Variants in FRMD4A observed in about 807,000 individuals in gnomAD.
FRMD4A encodes FERM domain-containing protein 4A.
In FRMD4A, 29 loss-of-function variants were observed where a neutral mutation model predicts 129.1. The observed-to-expected ratio is 0.22, with a 90% CI of 0.17 to 0.31. FRMD4A has a LOEUF of 0.31. Among genes scored for constraint, FRMD4A ranks in the 10% least tolerant of loss-of-function variants. The pLI is 1.00. For synonymous variants in FRMD4A, 634 were observed against 571.6 expected (o/e 1.11, Z -1.56); for missense variants, 1,272 against 1,375.8 (o/e 0.92, Z 1.19).
rs1564626656 is a variant in FRMD4A, at chr10:13,693,924, C to T, written c.1091G>A (p.Gly364Asp). 6.2e-7 allele frequency: 1 copy of T among 1,607,566 alleles called. No individual in the cohort carries two copies. The change falls in exon 15 of 25, where the codon GGC (glycine) becomes GAC (aspartate). Residue 364 changes from glycine to aspartate, a missense_variant. Physicochemically the swap from Gly to Asp is moderately conservative, Grantham distance 94. Coordinates refer to ENST00000357447, the MANE Select transcript of FRMD4A (RefSeq NM_018027.5). ...NMGSKGKIIS[G>D]SSGSLLSSGS... ...TGAAGACAGCAGGCTGCCGCTGCTG[C>T]CGCTGATGATCTTCCCCTTGCTACC...
chr10:13,750,101 A>AAAAG (rs1220254048), intron 8 of FRMD4A, among the ~76,000 whole-genome samples: 1 of 111,946 alleles, frequency 8.9e-6, no homozygotes. Flanking sequence ...AGAAAGAAAG[A>AAAAG]AAGAAATGAA....
At chr10:14,126,273 C>A (rs1838838020) in intron 2 of FRMD4A, among the ~76,000 whole-genome samples, 1 of 149,456 alleles carries the variant, frequency 6.7e-6, no homozygotes, top group African/African-American at 2.5e-5. Context: ...AGGGTTCAAG[C>A]AATTCTCTTC....
chr10:14,135,466 T>C (rs910472286), intron 2 of FRMD4A, among the ~76,000 whole-genome samples: 1 of 152,250 alleles, frequency 6.6e-6, no homozygotes, highest in Non-Finnish European at 1.5e-5. Context: ...TAAATCTTCT[T>C]CCACCATGTG....
At chr10:14,143,344 T>C (rs1839928577) in intron 2 of FRMD4A, among the ~76,000 whole-genome samples, 1 of 152,228 alleles carries the variant, frequency 6.6e-6, no homozygotes, top group Non-Finnish European at 1.5e-5. Flanking sequence ...TGGGTGAAAC[T>C]TGGGGACATC....
At chr10:14,159,471 G>A (rs916675936) in intron 2 of FRMD4A, among the ~76,000 whole-genome samples, 2 of 152,120 alleles carry the variant, frequency 1.3e-5, no homozygotes, top group African/African-American at 4.8e-5. Context: ...AACTGAAGAA[G>A]ACAGAAGATA....
At chr10:14,259,075 T>C (rs1476242424) in intron 2 of FRMD4A, among the ~76,000 whole-genome samples, 1 of 152,200 alleles carries the variant, frequency 6.6e-6, no homozygotes, top group Non-Finnish European at 1.5e-5. Context: ...ACTTTTATTA[T>C]TATAGTGATG....
intron 2 of FRMD4A, among the ~76,000 whole-genome samples, chr10:14,096,514 C>T (rs1836971150): frequency 6.6e-6 from 1 of 152,192 alleles, no homozygotes; most frequent in Non-Finnish European, 1.5e-5. Context: ...TAACAGAAAT[C>T]TAGGCAACTT....
intron 2 of FRMD4A, among the ~76,000 whole-genome samples, chr10:14,002,056 G>A (rs1365750104): frequency 1.3e-5 from 2 of 152,170 alleles, no homozygotes; most frequent in East Asian, 1.9e-4. Flanking sequence ...CTGGCAAGAC[G>A]TCAACCTGGA....
At chr10:13,770,598 C>T (rs183982402) in intron 6 of FRMD4A, among the ~76,000 whole-genome samples, 19 of 152,092 alleles carry the variant, frequency 1.2e-4, no homozygotes, top group Admixed American at 3.9e-4. Flanking sequence ...CACACACCAC[C>T]GTGCTTAGCT....
intron 2 of FRMD4A, among the ~76,000 whole-genome samples, chr10:14,122,768 C>T (rs1442070475): frequency 6.6e-6 from 1 of 152,124 alleles, no homozygotes; most frequent in African/African-American, 2.4e-5. Context: ...GGGATTGCAA[C>T]TGAACACAGG....
chr10:13,757,815 C>T (rs925199709), intron 8 of FRMD4A, among the ~76,000 whole-genome samples: 2 of 152,246 alleles, frequency 1.3e-5, no homozygotes, highest in African/African-American at 4.8e-5. Flanking sequence ...ACGATCTCAG[C>T]TCACTGCAAC....
intron 3 of FRMD4A, among the ~76,000 whole-genome samples, chr10:13,852,251 T>G (rs946614524): frequency 6.7e-6 from 1 of 149,764 alleles, no homozygotes; most frequent in Non-Finnish European, 1.5e-5. Flanking sequence ...AGATTTTAAT[T>G]TTTTTTTTTT....
At chr10:13,758,575 G>A (rs2091949316) in intron 8 of FRMD4A, among the ~76,000 whole-genome samples, 2 of 152,208 alleles carry the variant, frequency 1.3e-5, no homozygotes, top group Admixed American at 6.5e-5. Context: ...GGGCCCACAT[G>A]TGCACTAGGA....
chr10:14,238,521 T>A (rs7070975), intron 2 of FRMD4A, among the ~76,000 whole-genome samples: 1 of 152,016 alleles, frequency 6.6e-6, no homozygotes, highest in Non-Finnish European at 1.5e-5. Context: ...TATTATTTAT[T>A]TATTTATATT....
chr10:14,327,714 A>T (rs1476214888), intron 2 of FRMD4A, among the ~76,000 whole-genome samples: 1 of 152,160 alleles, frequency 6.6e-6, no homozygotes, highest in East Asian at 1.9e-4. Flanking sequence ...CTTAGCCCCG[A>T]TGACTCCATA....
At chr10:14,120,087 G>A (rs1376956416) in intron 2 of FRMD4A, among the ~76,000 whole-genome samples, 1 of 150,998 alleles carries the variant, frequency 6.6e-6, no homozygotes, top group Non-Finnish European at 1.5e-5. Context: ...TTGCCAGGAT[G>A]GGCCTGACAA....
intron 2 of FRMD4A, among the ~76,000 whole-genome samples, chr10:14,309,402 A>G (rs1846462916): frequency 6.6e-6 from 1 of 152,184 alleles, no homozygotes. Context: ...GTGAGCTGTC[A>G]TCATGCCACT....
chr10:14,119,354 G>T (rs1020983870), intron 2 of FRMD4A, among the ~76,000 whole-genome samples: 2 of 152,214 alleles, frequency 1.3e-5, no homozygotes, highest in African/African-American at 4.8e-5. Flanking sequence ...CCTGTTACCA[G>T]CAGGAGACGG....
chr10:13,906,636 C>T (rs978844309), intron 2 of FRMD4A, among the ~76,000 whole-genome samples: 10 of 152,062 alleles, frequency 6.6e-5, no homozygotes, highest in Non-Finnish European at 1.5e-4. Flanking sequence ...GATGTCAATC[C>T]TTGGTTTGAG....
Sources: allele counts gnomAD v4.1 joint callset (sites outside exome capture counted in the v4.1 genomes callset), GRCh38; gene constraint gnomAD v4.1.1; transcripts MANE v1.5; gene names NCBI Gene and HGNC (gene_info 2026-07-23, HGNC 2026-07-21).